ATAD1: variants seen among roughly 807,000 people sequenced by gnomAD.
ATAD1 encodes the protein outer mitochondrial transmembrane helix translocase.
ATAD1 carries 18 observed loss-of-function variants against 42.7 expected under a neutral mutation model. The ratio of observed to expected loss-of-function variants is 0.42; its 90% CI spans 0.29 to 0.63. ATAD1 has a LOEUF of 0.63. Ranked by LOEUF, ATAD1 falls within the 20% of genes least tolerant of loss-of-function variation. ATAD1 has a pLI of 0.19. For synonymous variants in ATAD1, 132 were observed against 143.1 expected, an observed-to-expected ratio of 0.92 and a Z score of 0.55; for missense variants, 294 against 440.4, an observed-to-expected ratio of 0.67 and a Z score of 2.98.
At chr10:87,814,208 T>A (rs1341806598) in intron 2 of ATAD1, among the ~76,000 whole-genome samples, 1 of 152,156 alleles carries the variant, frequency 6.6e-6, no homozygotes, top group Non-Finnish European at 1.5e-5. Flanking sequence ...AATATTTTAT[T>A]GTTTATTCAT....
intron 5 of ATAD1, among the ~76,000 whole-genome samples, chr10:87,779,343 T>C (rs1322677511): frequency 1.3e-5 from 2 of 151,684 alleles, no homozygotes; most frequent in East Asian, 3.9e-4. Context: ...TAAAATAAAA[T>C]TCGTGCTATG....
intron 1 of ATAD1, among the ~76,000 whole-genome samples, chr10:87,835,240 C>T (rs553932034): frequency 7.9e-5 from 12 of 152,026 alleles, no homozygotes; most frequent in East Asian, 5.8e-4. Flanking sequence ...CTATTAGGTA[C>T]GGTTGGGTTG....
intron 1 of ATAD1, among the ~76,000 whole-genome samples, chr10:87,834,315 A>G (rs997722012): frequency 6.6e-6 from 1 of 152,130 alleles, no homozygotes; most frequent in African/African-American, 2.4e-5. Context: ...AAATTGGTAA[A>G]TGTTCTCTCC....
chr10:87,778,383 C>T (rs1421319963), intron 5 of ATAD1, among the ~76,000 whole-genome samples: 1 of 136,982 alleles, frequency 7.3e-6, no homozygotes, highest in African/African-American at 2.7e-5. Flanking sequence ...GTTGAGTATC[C>T]CTCCCTTATC....
chr10:87,820,081 A>T (rs919584299), upstream of ATAD1, among the ~76,000 whole-genome samples: 2 of 152,178 alleles, frequency 1.3e-5, no homozygotes, highest in African/African-American at 4.8e-5. Context: ...GACGAGGACA[A>T]TGTTCATTAA....
At chr10:87,795,175 T>C (rs976905859) in intron 2 of ATAD1, among the ~76,000 whole-genome samples, 1 of 152,182 alleles carries the variant, frequency 6.6e-6, no homozygotes, top group African/African-American at 2.4e-5. Flanking sequence ...ATTTGTCTAA[T>C]TTCGAATCCC....
intron 1 of ATAD1, among the ~76,000 whole-genome samples, chr10:87,837,441 G>A (rs1197803339): frequency 6.6e-6 from 1 of 152,196 alleles, no homozygotes; most frequent in Non-Finnish European, 1.5e-5. Context: ...CCAGTCAGTA[G>A]TGGTAGGGTG....
intron 1 of ATAD1, among the ~76,000 whole-genome samples, chr10:87,827,299 C>T (rs1271335536): frequency 6.6e-6 from 1 of 152,026 alleles, no homozygotes; most frequent in Non-Finnish European, 1.5e-5. Flanking sequence ...TGAGAGGTAC[C>T]AGCTCCGTGG....
At chr10:87,793,621 A>G (rs533051378) in intron 2 of ATAD1, among the ~76,000 whole-genome samples, 108 of 152,354 alleles carry the variant, frequency 7.1e-4, no homozygotes, top group Non-Finnish European at 1.4e-3. Context: ...ACTAGAGTCC[A>G]TACTTGACTA....
At chr10:87,756,049 T>G (rs1184064248) in intron 9 of ATAD1, among the ~76,000 whole-genome samples, 1 of 152,176 alleles carries the variant, frequency 6.6e-6, no homozygotes, top group Non-Finnish European at 1.5e-5. Context: ...ATTTTTTTGC[T>G]GAAGTTTGCT....
intron 6 of ATAD1, among the ~76,000 whole-genome samples, chr10:87,773,363 G>A (rs1344141699): frequency 6.6e-6 from 1 of 152,076 alleles, no homozygotes; most frequent in Non-Finnish European, 1.5e-5. Flanking sequence ...CGGTTTCATT[G>A]AGCCGTTCTC....
At chr10:87,779,356 A>G (rs1481302601) in intron 5 of ATAD1, among the ~76,000 whole-genome samples, 1 of 152,144 alleles carries the variant, frequency 6.6e-6, no homozygotes, top group Non-Finnish European at 1.5e-5. Context: ...GTGCTATGTG[A>G]AAGATACTGC....
chr10:87,773,204 C>T (rs1229029567), intron 6 of ATAD1, among the ~76,000 whole-genome samples: 1 of 152,062 alleles, frequency 6.6e-6, no homozygotes, highest in Non-Finnish European at 1.5e-5. Context: ...ATTTTTTTAT[C>T]ATTTCACATT....
chr10:87,797,865 G>C (rs886221784), intron 2 of ATAD1, among the ~76,000 whole-genome samples: 1 of 152,026 alleles, frequency 6.6e-6, no homozygotes, highest in Non-Finnish European at 1.5e-5. Context: ...GCTTTTCTGC[G>C]CACATTTGTG....
intron 8 of ATAD1, among the ~76,000 whole-genome samples, chr10:87,764,524 C>T (rs1854643554): frequency 6.6e-6 from 1 of 151,998 alleles, no homozygotes; most frequent in African/African-American, 2.4e-5. Context: ...AAAAACAAAA[C>T]CAAAGTTGGA....
At chr10:87,781,399 G>C (rs1050601811) in intron 5 of ATAD1, among the ~76,000 whole-genome samples, 2 of 152,094 alleles carry the variant, frequency 1.3e-5, no homozygotes, top group African/African-American at 4.8e-5. Context: ...ATAGTTGAAA[G>C]ATTAAATATA....
chr10:87,828,749 C>G (rs565928335), intron 1 of ATAD1, among the ~76,000 whole-genome samples: 5 of 152,192 alleles, frequency 3.3e-5, no homozygotes, highest in Admixed American at 6.6e-5. Flanking sequence ...CAGGCTGACT[C>G]TCTTGTTAGG....
intron 2 of ATAD1, among the ~76,000 whole-genome samples, chr10:87,811,590 G>A (rs1200802637): frequency 6.6e-6 from 1 of 152,134 alleles, no homozygotes; most frequent in Non-Finnish European, 1.5e-5. Flanking sequence ...TTATTACAGT[G>A]ACAATTACAT....
chr10:87,792,006 C>T (rs1213354687), intron 3 of ATAD1, among the ~76,000 whole-genome samples: 1 of 152,134 alleles, frequency 6.6e-6, no homozygotes, highest in Non-Finnish European at 1.5e-5. Flanking sequence ...TGACTTAAAG[C>T]AGTACGCTTT....
Sources: gnomAD v4.1 joint callset for allele counts (sites outside exome capture counted in the v4.1 genomes callset) on GRCh38, gnomAD v4.1.1 for gene constraint, MANE v1.5 for transcripts, NCBI Gene and HGNC (gene_info 2026-07-23, HGNC 2026-07-21) for gene names.